Variants in SNCAIP observed in about 807,000 individuals in gnomAD.
SNCAIP encodes synphilin-1.
In SNCAIP, 43 loss-of-function variants were observed where a neutral mutation model predicts 86.7. The observed-to-expected ratio is 0.50, with a 90% CI of 0.39 to 0.64. The LOEUF is 0.64. SNCAIP is among the 30% of genes least tolerant of loss of function. The pLI is 0.00. For missense variants in SNCAIP, 981 were observed against 1,103.1 expected (o/e 0.89, Z 1.57); for synonymous variants, 417 against 427.2 (o/e 0.98, Z 0.29).
intron 2 of SNCAIP, among the ~76,000 whole-genome samples, chr5:122,391,836 T>C (rs902122671): frequency 6.6e-6 from 1 of 152,182 alleles, no homozygotes; most frequent in Non-Finnish European, 1.5e-5. Context: ...TCTACATGCA[T>C]CTTGCTTTGA....
chr5:122,348,746 G>A (rs1270442380), intron 1 of SNCAIP, among the ~76,000 whole-genome samples: 2 of 151,930 alleles, frequency 1.3e-5, no homozygotes, highest in Non-Finnish European at 2.9e-5. Flanking sequence ...AATGGATGAG[G>A]ACATAAGATG....
intron 1 of SNCAIP, among the ~76,000 whole-genome samples, chr5:122,319,302 C>A (rs866922714): frequency 1.3e-5 from 2 of 151,754 alleles, no homozygotes; most frequent in Non-Finnish European, 2.9e-5. Flanking sequence ...AAATTAAGAT[C>A]AGTTTCTTAC....
intron 1 of SNCAIP, among the ~76,000 whole-genome samples, chr5:122,364,967 A>AT (rs1762868831): frequency 6.6e-6 from 1 of 152,216 alleles, no homozygotes; most frequent in African/African-American, 2.4e-5. Flanking sequence ...ATAGAAAAGA[A>AT]TAACTGTTAA....
In SNCAIP at chr5:122,444,733, G is replaced by T; in HGVS notation, c.1592+1G>T. 1 of 1,613,262 alleles carries T rather than the reference G, an allele frequency of 6.2e-7. No homozygotes were observed. Among genetic ancestry groups the T allele is most frequent in the Non-Finnish European group, 8.5e-7 (1 of 1,179,242 alleles). ...TGAAGTTAACCAAGCAGCTAAAGGAGTAAGTGGCCTGTTGGTTCCATGAGA... is the reference window on the plus strand; with the variant it reads ...TGAAGTTAACCAAGCAGCTAAAGGATTAAGTGGCCTGTTGGTTCCATGAGA... On this transcript the variant is annotated splice_donor_variant, in intron 8 of 10. Coordinates refer to ENST00000261368, the MANE Select transcript of SNCAIP (RefSeq NM_005460.4). LOFTEE classifies it high-confidence loss of function.
rs540456786 is a variant in SNCAIP, at chr5:122,375,747, A to C, written c.-46-15342A>C. 4.6e-5 allele frequency among the ~76,000 whole-genome samples: 7 copies of C among 152,200 alleles called. No homozygotes were observed. The South Asian group carries it at 1.0e-3, about 23-fold the overall frequency. On this transcript the variant is annotated intron_variant, in intron 1 of 10. Coordinates refer to ENST00000261368, the MANE Select transcript of SNCAIP (RefSeq NM_005460.4). ...TGTATAGCACAACAAATTGAAAAAA[A>C]ATAATAAAAATAAAAAGACCTAAGA...
intron 2 of SNCAIP, among the ~76,000 whole-genome samples, chr5:122,394,879 G>C (rs185028263): frequency 3.3e-4 from 50 of 152,266 alleles, no homozygotes; most frequent in African/African-American, 1.2e-3. Flanking sequence ...TCAGCTTTGC[G>C]AGGCAAACTC....
intron 2 of SNCAIP, among the ~76,000 whole-genome samples, chr5:122,400,819 A>G (rs765864879): frequency 6.6e-6 from 1 of 152,244 alleles, no homozygotes; most frequent in Admixed American, 6.5e-5. Flanking sequence ...TTCTTCAGAC[A>G]TGGTAGAGAA....
At position 122,422,852 on chromosome 5, in the gene SNCAIP, A is replaced by C; in HGVS notation, c.131-16A>C. The C allele has an allele frequency of 6.2e-7, 1 of 1,609,122 alleles. No individual in the cohort carries two copies. The highest frequency in any genetic ancestry group is 1.1e-5 in the South Asian group (1 of 90,920). On this transcript the variant is annotated splice_polypyrimidine_tract_variant and intron_variant, in intron 3 of 10. Coordinates refer to ENST00000261368, the MANE Select transcript of SNCAIP (RefSeq NM_005460.4). Reference sequence around the variant, plus strand: ...TTCCAGATTAATAGCTTTCTATTTTAATTTTTTAAAAACAGTTTCTAGCTC... The same window carrying C: ...TTCCAGATTAATAGCTTTCTATTTTCATTTTTTAAAAACAGTTTCTAGCTC...
intron 1 of SNCAIP, among the ~76,000 whole-genome samples, chr5:122,313,443 A>C (rs1751059911): frequency 6.6e-6 from 1 of 152,264 alleles, no homozygotes; most frequent in Non-Finnish European, 1.5e-5. Context: ...TCAGTTCTCC[A>C]AGGTGTCACT....
At chr5:122,452,153 G>T (rs1783829052) in intron 10 of SNCAIP, among the ~76,000 whole-genome samples, 3 of 152,334 alleles carry the variant, frequency 2.0e-5, no homozygotes, top group African/African-American at 4.8e-5. Flanking sequence ...CCTAAGTGTT[G>T]ATTGGAGCCT....
rs775620844 is a variant in SNCAIP, at chr5:122,423,311, T to C, written c.574T>C (p.Cys192Arg). The C allele has an allele frequency of 6.2e-7, 1 of 1,614,224 alleles. No individual in the cohort carries two copies. The highest frequency in any genetic ancestry group is 2.2e-5 in the East Asian group (1 of 44,884). The stretch of plus-strand genomic sequence containing the variant: ...CATCAATGGCCTTTCTGGCAAAGCC[T>C]GCTCTACAGGAAGTTCTGAGAGCTC... ...TTINGLSGKA[C>R]STGSSESSSS... Residue 192 changes from cysteine to arginine, a missense_variant, in exon 4 of 11, where the codon TGC becomes CGC. Transcript: ENST00000261368.
At chr5:122,418,603 C>T (rs949657833) in intron 3 of SNCAIP, among the ~76,000 whole-genome samples, 3 of 152,030 alleles carry the variant, frequency 2.0e-5, no homozygotes, top group Admixed American at 6.6e-5. Context: ...TCTCATTTTT[C>T]GAATAGGGAA....
chr5:122,395,917 CTAGAA>C (rs1770514788), intron 2 of SNCAIP, among the ~76,000 whole-genome samples: 1 of 152,132 alleles, frequency 6.6e-6, no homozygotes, highest in East Asian at 1.9e-4. Context: ...TCTGTACCTT[CTAGAA>C]GGTGACCAAC....
chr5:122,444,376 A>C (rs371141814), intron 7 of SNCAIP, 187 bp from the exon 8 acceptor site: 5 of 652,422 alleles, frequency 7.7e-6, no homozygotes, highest in South Asian at 6.7e-5. Context: ...TGTGGGCTGC[A>C]GATGAGCATT....
chr5:122,328,210 A>G (rs1754517840), intron 1 of SNCAIP, among the ~76,000 whole-genome samples: 3 of 152,226 alleles, frequency 2.0e-5, no homozygotes, highest in Admixed American at 2.0e-4. Flanking sequence ...ATAATCCTAC[A>G]TAGATTATGT....
intron 1 of SNCAIP, among the ~76,000 whole-genome samples, chr5:122,371,996 C>T (rs1008973707): frequency 6.6e-6 from 1 of 151,978 alleles, no homozygotes; most frequent in African/African-American, 2.4e-5. Flanking sequence ...ATCTTAGTAG[C>T]CAATTAGGGG....
At chr5:122,333,887 G>A (rs1755877288) in intron 1 of SNCAIP, among the ~76,000 whole-genome samples, 2 of 152,200 alleles carry the variant, frequency 1.3e-5, no homozygotes, top group South Asian at 4.1e-4. Flanking sequence ...GCCACAGTGG[G>A]CTGAATTGTT....
At chr5:122,445,645 TACAC>T (rs55968414) in intron 8 of SNCAIP, among the ~76,000 whole-genome samples, 1,602 of 143,132 alleles carry the variant, frequency 0.011, 16 homozygotes, top group Non-Finnish European at 0.014. Flanking sequence ...CTTTAAGTTT[TACAC>T]ACACACACAC....
intron 3 of SNCAIP, among the ~76,000 whole-genome samples, chr5:122,422,147 G>A (rs1466130120): frequency 6.6e-6 from 1 of 152,106 alleles, no homozygotes; most frequent in African/African-American, 2.4e-5. Flanking sequence ...AAGTGTTAGT[G>A]CATTCTGTCA....
Sources: allele counts gnomAD v4.1 joint callset (sites outside exome capture counted in the v4.1 genomes callset), GRCh38; gene constraint gnomAD v4.1.1; transcripts MANE v1.5; gene names NCBI Gene and HGNC (gene_info 2026-07-23, HGNC 2026-07-21).